PTPRB: variants seen among roughly 807,000 people sequenced by gnomAD.
The protein encoded by PTPRB is receptor-type tyrosine-protein phosphatase beta.
PTPRB carries 97 observed loss-of-function variants against 238.1 expected under a neutral mutation model. The observed-to-expected ratio is 0.41, with a 90% confidence interval of 0.35 to 0.48. The LOEUF (loss-of-function observed/expected upper bound fraction) is 0.48, where lower values mean the gene tolerates loss of function less well. Among genes scored for constraint, PTPRB ranks in the 20% least tolerant of loss-of-function variants. The pLI is 0.30. For synonymous variants in PTPRB, 970 were observed against 995.4 expected (o/e 0.97, Z 0.48); for missense variants, 2,292 against 2,681.9 (o/e 0.85, Z 3.21).
At chr12:70,614,564 C>T (rs1010662734) in intron 3 of PTPRB, among the ~76,000 whole-genome samples, 1 of 151,898 alleles carries the variant, frequency 6.6e-6, no homozygotes, top group African/African-American at 2.4e-5. Context: ...CAAAAACAAA[C>T]AAACAAAAAA....
At chr12:70,538,667 T>C in intron 27 of PTPRB, 2 of 528,338 alleles carry the variant, frequency 3.8e-6, no homozygotes, top group Non-Finnish European at 6.8e-6. Flanking sequence ...CTGCTTAGCC[T>C]CCAAAGAGAA....
rs148654653 is a variant in PTPRB, at chr12:70,574,887, T to G, written c.2842+1495A>C. ...TTTTAAAACAATCTCAGCAAAAGACTTGGCAATATTAAAGTCATACGGATA... is the reference window on the plus strand; with the variant it reads ...TTTTAAAACAATCTCAGCAAAAGACGTGGCAATATTAAAGTCATACGGATA... On this transcript the variant is annotated intron_variant, in intron 11 of 33. Transcript: ENST00000334414. Among the ~76,000 whole-genome samples the G allele has an allele frequency of 7.9e-5, 12 of 152,292 alleles. No homozygotes were observed. The East Asian group carries it at 2.3e-3, about 29-fold the overall frequency.
chr12:70,570,494 G>A (rs147495501), intron 13 of PTPRB, among the ~76,000 whole-genome samples: 5 of 152,094 alleles, frequency 3.3e-5, no homozygotes, highest in East Asian at 1.9e-4. Flanking sequence ...CTACAGGCAC[G>A]TAACACCGTG....
At position 70,590,067 on chromosome 12, in the gene PTPRB, A is replaced by T; in HGVS notation, c.1947T>A (p.Tyr649Ter). ...NITVGKEETQ[Y>*]VMDDTGLVPG... ...GTACGAGCCCCGTGTCATCCATGAC[A>T]TACTGTGTTTCTTCCTTTCCCACAG... Residue 649 changes from tyrosine (Y) to a stop codon, truncating the protein, a stop_gained, in exon 8 of 34, where the codon TAT (tyrosine) becomes TAA (stop). Transcript: ENST00000334414. LOFTEE classifies it high-confidence loss of function. 4 of 1,614,006 alleles carry T rather than the reference A, an allele frequency of 2.5e-6. No individual in the cohort carries two copies. The highest frequency in any genetic ancestry group is 3.4e-6 in the Non-Finnish European group (4 of 1,179,878).
rs1881969351 is a variant in PTPRB at position 70,586,904 on chromosome 12, C to A, written c.2311+103G>T. 6 of 1,129,704 alleles carry A rather than the reference C, an allele frequency of 5.3e-6. No individual in the cohort carries two copies. The Admixed American group carries it at 1.3e-4, about 24-fold the overall frequency. The allele number at this position is 1,129,704 out of a possible 1,614,324, so 70.0% of individuals were successfully genotyped here. A position where few individuals can be genotyped will look rare whatever the true frequency, so the allele number is the denominator to read the frequency against. On this transcript the variant is annotated intron_variant, in intron 9 of 33. Transcript: ENST00000334414. The stretch of plus-strand genomic sequence containing the variant: ...AATAGAAAGGATCCATAAAGCAATG[C>A]CCAGTACATAATAGGCAGTTAATGA...
intron 15 of PTPRB, 125 bp downstream of exon 15, chr12:70,566,310 G>T: frequency 8.1e-7 from 1 of 1,237,482 alleles, no homozygotes; most frequent in Non-Finnish European, 1.1e-6. Context: ...CAGGGTGAAT[G>T]TTCCCAGCGT....
At chr12:70,631,249 G>A (rs538531864) in intron 2 of PTPRB, among the ~76,000 whole-genome samples, 130 of 152,200 alleles carry the variant, frequency 8.5e-4, no homozygotes, top group African/African-American at 3.1e-3. Context: ...CAATGGAACC[G>A]AACAGAGCCC....
At chr12:70,631,740 A>C (rs1298363587) in intron 2 of PTPRB, among the ~76,000 whole-genome samples, 2 of 152,158 alleles carry the variant, frequency 1.3e-5, no homozygotes, top group East Asian at 3.8e-4. Context: ...CAAGAAAAAA[A>C]CAAACAACCC....
Position 70,519,606 on chromosome 12 carries a change from A to C in PTPRB, c.*1883T>G, listed in dbSNP as rs1355301564. 6.6e-6 allele frequency: 1 copy of C among 152,218 alleles called. No individual in the cohort carries two copies. Among genetic ancestry groups the C allele is most frequent in the South Asian group, 2.1e-4 (1 of 4,830 alleles). The allele number at this position is 152,218 out of a possible 1,614,324, so 9.4% of individuals were successfully genotyped here. A position where few individuals can be genotyped will look rare whatever the true frequency, so the allele number is the denominator to read the frequency against. ...CTTTGCATCAAGCAACATTAGTGTA[A>C]AATTCTGCTTTTTCTCTTTTTTCTT... On this transcript the variant is annotated 3_prime_UTR_variant, in exon 34 of 34. Coordinates refer to ENST00000334414, the MANE Select transcript of PTPRB (RefSeq NM_001109754.4).
At chr12:70,567,537 A>C (rs554942874) in intron 14 of PTPRB, among the ~76,000 whole-genome samples, 3 of 152,244 alleles carry the variant, frequency 2.0e-5, no homozygotes, top group Non-Finnish European at 4.4e-5. Flanking sequence ...CTGTATCCTA[A>C]ATCTTCTATC....
intron 22 of PTPRB, chr12:70,541,897 G>C (rs899775334): frequency 7.5e-6 from 1 of 133,004 alleles, no homozygotes; most frequent in African/African-American, 2.4e-5. Flanking sequence ...TGGCGATTAT[G>C]AATAATGCTG....
Position 70,594,720 on chromosome 12 carries a change from T to C in PTPRB, c.1263A>G (p.Pro421=). ...AAATACCAATATCTTTCACTGGAGA[T>C]GGCACTAGTGGGATAAAATGCATGT... ...FSVYTNGSTV[P]SPVKDIGIST... is the part of the protein sequence containing the mutation. Residue 421 remains proline, a synonymous_variant, in exon 6 of 34, where the codon CCA becomes CCG. Transcript: ENST00000334414. The C allele has an allele frequency of 6.2e-7, 1 of 1,613,840 alleles. No homozygotes were observed. The highest frequency in any genetic ancestry group is 2.2e-5 in the East Asian group (1 of 44,886).
At chr12:70,526,868 A>G (rs1872520489) in intron 32 of PTPRB, among the ~76,000 whole-genome samples, 1 of 152,186 alleles carries the variant, frequency 6.6e-6, no homozygotes, top group Non-Finnish European at 1.5e-5. Flanking sequence ...TTCTTTAACA[A>G]TGATTCACCG....
intron 28 of PTPRB, among the ~76,000 whole-genome samples, chr12:70,537,591 T>G (rs73142910): frequency 0.033 from 5,040 of 152,118 alleles, 118 homozygotes; most frequent in Non-Finnish European, 0.049. Context: ...AATATTATTA[T>G]CATCAGTTTT....
intron 27 of PTPRB, 82 bp from the exon 28 acceptor site, chr12:70,538,313 TC>T: frequency 8.6e-7 from 1 of 1,162,852 alleles, no homozygotes. Flanking sequence ...TTAGCTCTGA[TC>T]CCCACAACAG....
In PTPRB at chr12:70,532,164, A is replaced by T. The variant is rs1289073229; in HGVS notation, c.6375T>A (p.Gly2125=). Residue 2125 remains glycine, a synonymous_variant, in exon 32 of 34, where the codon GGT becomes GGA. Transcript: ENST00000334414. ...CAATAAAGGTTCCAGTCCTACCCACACCAGCACTAGAAGAGATGGCAAAGG... is the reference window on the plus strand; with the variant it reads ...CAATAAAGGTTCCAGTCCTACCCACTCCAGCACTAGAAGAGATGGCAAAGG... ...AGPTVVHCSA[G]VGRTGTFIAL... 1 of 1,604,876 alleles carries T rather than the reference A, an allele frequency of 6.2e-7. No homozygotes were observed. Among genetic ancestry groups the T allele is most frequent in the Admixed American group, 1.7e-5 (1 of 57,858 alleles).
At chr12:70,589,414 C>A (rs1246209331) in intron 8 of PTPRB, among the ~76,000 whole-genome samples, 1 of 152,166 alleles carries the variant, frequency 6.6e-6, no homozygotes, top group African/African-American at 2.4e-5. Context: ...AATATGAGTA[C>A]AAGTATTTGA....
intron 4 of PTPRB, 27 bp from the exon 5 acceptor site, chr12:70,596,354 C>CAAAA (rs58070382): frequency 3.6e-6 from 4 of 1,123,286 alleles, no homozygotes; most frequent in Non-Finnish European, 3.3e-6. Context: ...CACACACACA[C>CAAAA]AAAAAAAAAA....
At chr12:70,557,383 G>A (rs957424700) in intron 18 of PTPRB, among the ~76,000 whole-genome samples, 4 of 152,092 alleles carry the variant, frequency 2.6e-5, no homozygotes, top group Non-Finnish European at 4.4e-5. Context: ...TACAAGCCTC[G>A]AAGAAAACAA....
Sources: allele counts gnomAD v4.1 joint callset (sites outside exome capture counted in the v4.1 genomes callset), GRCh38; gene constraint gnomAD v4.1.1; transcripts MANE v1.5; gene names NCBI Gene and HGNC (gene_info 2026-07-23, HGNC 2026-07-21).